USP49: variants seen among roughly 807,000 people sequenced by gnomAD.
The protein encoded by USP49 is ubiquitin carboxyl-terminal hydrolase 49.
Under a neutral mutation model 58.6 loss-of-function variants are expected in USP49, and 24 were observed. The ratio of observed to expected loss-of-function variants is 0.41; its 90% CI spans 0.30 to 0.58. The LOEUF is 0.58. USP49 is among the 20% of genes least tolerant of loss of function. USP49 has a pLI of 0.30. For synonymous variants in USP49, 408 were observed against 365.1 expected (o/e 1.12, Z -1.34); for missense variants, 703 against 866.1 (o/e 0.81, Z 2.36).
chr6:41,870,498 A>C (rs889728974), intron 3 of USP49, among the ~76,000 whole-genome samples: 1 of 152,144 alleles, frequency 6.6e-6, no homozygotes, highest in African/African-American at 2.4e-5. Flanking sequence ...AAAAACTTTT[A>C]TATCTCATAA....
At chr6:41,812,515 A>G (rs954517381) in intron 3 of USP49, among the ~76,000 whole-genome samples, 2 of 151,440 alleles carry the variant, frequency 1.3e-5, no homozygotes, top group African/African-American at 4.8e-5. Flanking sequence ...AACACGGTGA[A>G]ACCCCGTCTC....
chr6:41,862,823 G>T (rs946935896), intron 3 of USP49, among the ~76,000 whole-genome samples: 5 of 152,126 alleles, frequency 3.3e-5, no homozygotes, highest in Non-Finnish European at 5.9e-5. Context: ...GCCCAGACTG[G>T]AGTGCAATGG....
At chr6:41,850,186 T>A (rs1314426477) in intron 3 of USP49, among the ~76,000 whole-genome samples, 2 of 152,132 alleles carry the variant, frequency 1.3e-5, no homozygotes, top group African/African-American at 2.4e-5. Context: ...CTCATGCCCG[T>A]AATCTCAGCA....
chr6:41,860,320 C>G (rs1236930610), intron 3 of USP49, among the ~76,000 whole-genome samples: 1 of 150,918 alleles, frequency 6.6e-6, no homozygotes, highest in African/African-American at 2.5e-5. Context: ...AGTTGAGAGA[C>G]AGAGAGAAAA....
intron 7 of USP49, chr6:41,797,761 A>T: frequency 2.0e-6 from 2 of 985,910 alleles, no homozygotes; most frequent in Non-Finnish European, 2.4e-6. Flanking sequence ...GGTGTGCAGA[A>T]GTAGCATTAC....
chr6:41,869,075 T>G (rs1312167771), intron 3 of USP49, among the ~76,000 whole-genome samples: 1 of 145,022 alleles, frequency 6.9e-6, no homozygotes, highest in Non-Finnish European at 1.5e-5. Context: ...GTTTCTGTTC[T>G]TAGTCTTTTT....
chr6:41,866,813 A>C (rs937510169), intron 3 of USP49, among the ~76,000 whole-genome samples: 5 of 152,196 alleles, frequency 3.3e-5, no homozygotes, highest in Non-Finnish European at 7.3e-5. Context: ...GAAATTCTAG[A>C]ATTGTTATGA....
intron 4 of USP49, 82 bp downstream of exon 4, chr6:41,805,546 G>T: frequency 1.4e-6 from 2 of 1,435,140 alleles, no homozygotes; most frequent in Non-Finnish European, 1.9e-6. Context: ...ACTCTTATTA[G>T]CCCAATAACC....
At chr6:41,858,757 C>T (rs1031634267) in intron 3 of USP49, among the ~76,000 whole-genome samples, 3 of 152,120 alleles carry the variant, frequency 2.0e-5, no homozygotes, top group Non-Finnish European at 4.4e-5. Context: ...TGAAGCCTTC[C>T]CTGGTCACTC....
intron 6 of USP49, 84 bp downstream of exon 6, chr6:41,799,746 T>C (rs371243286): frequency 3.5e-5 from 42 of 1,216,376 alleles, no homozygotes; most frequent in African/African-American, 3.2e-4. Flanking sequence ...CCCAACACCA[T>C]AGAAGACATT....
intron 5 of USP49, among the ~76,000 whole-genome samples, chr6:41,802,381 A>ATTTATTTTATTTTAT (rs139113547): frequency 6.3e-4 from 64 of 101,986 alleles, no homozygotes; most frequent in Admixed American, 1.2e-3. Context: ...GTTTCCCACA[A>ATTTATTTTATTTTAT]TTTATTTTAT....
chr6:41,858,616 C>T (rs933734851), intron 3 of USP49, among the ~76,000 whole-genome samples: 1 of 152,116 alleles, frequency 6.6e-6, no homozygotes, highest in African/African-American at 2.4e-5. Context: ...TCCAACACAC[C>T]AGGCAATCTC....
At chr6:41,877,943 T>C (rs1310695082) in intron 2 of USP49, among the ~76,000 whole-genome samples, 3 of 152,142 alleles carry the variant, frequency 2.0e-5, no homozygotes, top group Admixed American at 2.0e-4. Flanking sequence ...ATTCTTTTTT[T>C]AGAGACAGAG....
At position 41,803,777 on chromosome 6, in the gene USP49, C is replaced by G. The variant is rs200959406; in HGVS notation, c.1561+29G>C. The G allele has an allele frequency of 3.2e-5, 52 of 1,611,646 alleles. No homozygotes were observed. Among genetic ancestry groups the G allele is most frequent in the Non-Finnish European group, 4.2e-5 (49 of 1,178,000 alleles). On this transcript the variant is annotated intron_variant, in intron 5 of 7. Transcript: ENST00000682992. This position sits in a 1 kb window ranked among gnomAD's most constrained non-coding sequence, Gnocchi z 4.1. The stretch of plus-strand genomic sequence containing the variant: ...CTGATATTCCAATTATTCTTCCCCA[C>G]TACGCCCCCTCCTCCACACAGCACT...
chr6:41,802,261 A>C (rs1012524960), intron 5 of USP49, among the ~76,000 whole-genome samples: 8 of 151,880 alleles, frequency 5.3e-5, no homozygotes, highest in Non-Finnish European at 1.2e-4. Flanking sequence ...GCTTCAGGCA[A>C]TCCTCCTGCC....
intron 3 of USP49, among the ~76,000 whole-genome samples, chr6:41,854,323 A>AG (rs1158953873): frequency 6.6e-6 from 1 of 151,508 alleles, no homozygotes; most frequent in African/African-American, 2.4e-5. Context: ...TCTCAAAAAA[A>AG]AAAAAAAAAA....
At chr6:41,867,915 A>G (rs1373616377) in intron 3 of USP49, among the ~76,000 whole-genome samples, 1 of 152,222 alleles carries the variant, frequency 6.6e-6, no homozygotes, top group Non-Finnish European at 1.5e-5. Context: ...TAATCATCTC[A>G]TGTCATTTTT....
At chr6:41,883,706 C>T (rs1582039194) in intron 2 of USP49, among the ~76,000 whole-genome samples, 1 of 152,128 alleles carries the variant, frequency 6.6e-6, no homozygotes, top group East Asian at 1.9e-4. Flanking sequence ...GTGGATAATA[C>T]CAAGTGTTGG....
At chr6:41,833,731 T>C (rs1302544189) in intron 3 of USP49, among the ~76,000 whole-genome samples, 1 of 152,228 alleles carries the variant, frequency 6.6e-6, no homozygotes, top group Non-Finnish European at 1.5e-5. Context: ...GTGTGTAAGA[T>C]TTCTGAAATG....
Sources: gnomAD v4.1 joint callset for allele counts (sites outside exome capture counted in the v4.1 genomes callset) on GRCh38, gnomAD v4.1.1 for gene constraint, Gnocchi (gnomAD v3.1) non-coding constraint, MANE v1.5 for transcripts, NCBI Gene and HGNC (gene_info 2026-07-23, HGNC 2026-07-21) for gene names.